NINJ2: variants seen among roughly 807,000 people sequenced by gnomAD.
NINJ2 encodes the protein ninjurin-2.
NINJ2 carries 12 observed loss-of-function variants against 11.7 expected under a neutral mutation model. The observed-to-expected ratio is 1.02, with a 90% CI of 0.66 to 1.66. The LOEUF (loss-of-function observed/expected upper bound fraction) is 1.66, where lower values mean the gene tolerates loss of function less well. Ranked by LOEUF, NINJ2 falls within the 40% of genes most tolerant of loss-of-function variation. The pLI is 0.00. For synonymous variants in NINJ2, 93 were observed against 76.8 expected, an observed-to-expected ratio of 1.21 and a Z score of -1.10; for missense variants, 187 against 181.8, an observed-to-expected ratio of 1.03 and a Z score of -0.16.
chr12:620,643 T>C (rs1297917239), intron 1 of NINJ2, among the ~76,000 whole-genome samples: 2 of 152,146 alleles, frequency 1.3e-5, no homozygotes, highest in Non-Finnish European at 2.9e-5. Context: ...TGTTTGTTTG[T>C]TTTTGAGACA....
At chr12:621,296 A>T (rs948849683) in intron 1 of NINJ2, among the ~76,000 whole-genome samples, 6 of 149,502 alleles carry the variant, frequency 4.0e-5, no homozygotes, top group African/African-American at 1.2e-4. Context: ...AAAAAATTTA[A>T]AAAAAAAATT....
intron 1 of NINJ2, among the ~76,000 whole-genome samples, chr12:617,553 C>G (rs973220439): frequency 1.3e-5 from 2 of 152,222 alleles, no homozygotes; most frequent in Non-Finnish European, 2.9e-5. Flanking sequence ...GCCTGTGCAG[C>G]TCTGAAGCTC....
rs80328231 is a variant in NINJ2 at position 633,725 on chromosome 12, G to C, written c.33+29603C>G. On this transcript the variant is annotated intron_variant, in intron 1 of 3. Coordinates refer to ENST00000305108, the MANE Select transcript of NINJ2 (RefSeq NM_016533.6). This position sits in a 1 kb window ranked among gnomAD's most constrained non-coding sequence, Gnocchi z 4.3. Reference sequence around the variant, plus strand: ...AGCTACTCAGGAGGCTGAGGCAGGAGAATCATTTGAACCCAGGAGGTGGAG... The same window carrying C: ...AGCTACTCAGGAGGCTGAGGCAGGACAATCATTTGAACCCAGGAGGTGGAG... Among the ~76,000 whole-genome samples the C allele has an allele frequency of 5.3e-5, 8 of 152,214 alleles. No homozygotes were observed. In the East Asian group the frequency reaches 1.5e-3, roughly 29 times the overall value.
At chr12:619,919 A>G (rs1948133001) in intron 1 of NINJ2, among the ~76,000 whole-genome samples, 1 of 152,176 alleles carries the variant, frequency 6.6e-6, no homozygotes, top group Non-Finnish European at 1.5e-5. Context: ...TGAAGATAAT[A>G]TTCCTTAATG....
intron 1 of NINJ2, among the ~76,000 whole-genome samples, chr12:570,252 C>T (rs1391850779): frequency 2.6e-5 from 4 of 152,202 alleles, no homozygotes; most frequent in African/African-American, 4.8e-5. Context: ...GCGAAGGTGC[C>T]TGGAAAGGGG....
rs117788396 is a variant in NINJ2 at position 602,465 on chromosome 12, C to T, written c.34-36287G>A. Among the ~76,000 whole-genome samples, 916 of 152,278 alleles carry T rather than the reference C, an allele frequency of 6.0e-3. 2 individuals are homozygous for T. Among genetic ancestry groups the T allele is most frequent in the Non-Finnish European group, 9.4e-3 (637 of 68,010 alleles). The stretch of plus-strand genomic sequence containing the variant: ...CATGCTGTAGCATGTTTCAGTACTT[C>T]GTTTCTTTTTATCATTGAATAGATA... On this transcript the variant is annotated intron_variant, in intron 1 of 3. Transcript: ENST00000305108.
intron 1 of NINJ2, among the ~76,000 whole-genome samples, chr12:662,624 G>T (rs11610368): frequency 6.6e-6 from 1 of 151,972 alleles, no homozygotes; most frequent in East Asian, 1.9e-4. Flanking sequence ...AGAAGGGTTC[G>T]TTCTATTCTA....
intron 1 of NINJ2, among the ~76,000 whole-genome samples, chr12:572,432 C>T (rs1947391148): frequency 6.6e-6 from 1 of 152,174 alleles, no homozygotes. Flanking sequence ...GGGACAGTGG[C>T]GACCTAGGCT....
intron 1 of NINJ2, among the ~76,000 whole-genome samples, chr12:601,601 C>T (rs1404794096): frequency 6.6e-6 from 1 of 152,090 alleles, no homozygotes; most frequent in Non-Finnish European, 1.5e-5. Context: ...CGGTGGCTCA[C>T]GCCTGTAATC....
At chr12:567,258 A>G (rs1947313470) in intron 1 of NINJ2, among the ~76,000 whole-genome samples, 1 of 151,890 alleles carries the variant, frequency 6.6e-6, no homozygotes, top group Admixed American at 6.6e-5. Flanking sequence ...GAAGGATGCT[A>G]TGGCCTGGAG....
At chr12:652,228 T>C (rs1402626303) in intron 1 of NINJ2, among the ~76,000 whole-genome samples, 1 of 152,212 alleles carries the variant, frequency 6.6e-6, no homozygotes, top group East Asian at 1.9e-4. Context: ...TACATCTGAT[T>C]TCTCCTCAGA....
chr12:654,698 A>T (rs1305754355), intron 1 of NINJ2, among the ~76,000 whole-genome samples: 1 of 134,376 alleles, frequency 7.4e-6, no homozygotes, highest in African/African-American at 2.8e-5. Flanking sequence ...GTTCAAGACA[A>T]GCCTGACCAA....
chr12:611,391 G>T (rs1948032503), intron 1 of NINJ2, among the ~76,000 whole-genome samples: 2 of 151,004 alleles, frequency 1.3e-5, no homozygotes, highest in Non-Finnish European at 2.9e-5. Context: ...AGGCTGGAGT[G>T]CAGTGGCACG....
At chr12:656,635 G>T (rs1039461452) in intron 1 of NINJ2, among the ~76,000 whole-genome samples, 6 of 151,758 alleles carry the variant, frequency 4.0e-5, no homozygotes, top group African/African-American at 1.5e-4. Flanking sequence ...TGTAATCCCA[G>T]CTACTCGGGA....
At chr12:611,901 A>C (rs1032882616) in intron 1 of NINJ2, among the ~76,000 whole-genome samples, 1 of 152,200 alleles carries the variant, frequency 6.6e-6, no homozygotes, top group Non-Finnish European at 1.5e-5. Context: ...ATAGTAGAAT[A>C]TTTGACGGGA....
intron 1 of NINJ2, among the ~76,000 whole-genome samples, chr12:634,231 G>A (rs770802884): frequency 1.5e-5 from 2 of 137,588 alleles, no homozygotes; most frequent in Admixed American, 7.9e-5. Context: ...CACATAAGTT[G>A]TGCTCACTAA....
intron 1 of NINJ2, among the ~76,000 whole-genome samples, chr12:646,410 CAG>C (rs1319004101): frequency 6.6e-6 from 1 of 152,206 alleles, no homozygotes; most frequent in Non-Finnish European, 1.5e-5. Context: ...ATCCCATTTA[CAG>C]AGACTCCTTT....
At chr12:654,891 C>CA (rs1196945250) in intron 1 of NINJ2, among the ~76,000 whole-genome samples, 8,448 of 104,630 alleles carry the variant, frequency 0.081, 318 homozygotes, top group Non-Finnish European at 0.11. Context: ...AACTCCATTT[C>CA]AAAAAAAAAA....
rs574659540 is a variant in NINJ2, at chr12:636,114, C to T, written c.33+27214G>A. Reference sequence around the variant, plus strand: ...TAAATAGGCCAGGCGTGGTGGCTTACGCCTGTAATCCTAGCACTTTGGGAG... The same window carrying T: ...TAAATAGGCCAGGCGTGGTGGCTTATGCCTGTAATCCTAGCACTTTGGGAG... On this transcript the variant is annotated intron_variant, in intron 1 of 3. Transcript: ENST00000305108. Among the ~76,000 whole-genome samples, 8 of 151,654 alleles carry T rather than the reference C, an allele frequency of 5.3e-5. No individual in the cohort carries two copies. In the South Asian group the frequency reaches 1.2e-3, roughly 24 times the overall value.
Sources: gnomAD v4.1 joint callset for allele counts (sites outside exome capture counted in the v4.1 genomes callset) on GRCh38, gnomAD v4.1.1 for gene constraint, Gnocchi (gnomAD v3.1) non-coding constraint, MANE v1.5 for transcripts, NCBI Gene and HGNC (gene_info 2026-07-23, HGNC 2026-07-21) for gene names.